Variants in ATP13A5 observed in about 807,000 individuals in gnomAD.
ATP13A5 encodes the protein ATPase 13A5.
A neutral mutation model predicts 150.2 loss-of-function variants in ATP13A5; 149 were observed. That is an observed-to-expected ratio of 0.99 (90% CI 0.87 to 1.14). ATP13A5 has a LOEUF of 1.14. ATP13A5 is among the 50% of genes most tolerant of loss of function. The pLI is 0.00. For synonymous variants in ATP13A5, 497 were observed against 522.2 expected, an observed-to-expected ratio of 0.95 and a Z score of 0.66; for missense variants, 1,383 against 1,449.3, an observed-to-expected ratio of 0.95 and a Z score of 0.74.
chr3:193,303,893 A>G (rs1718508406), intron 23 of ATP13A5, among the ~76,000 whole-genome samples: 1 of 150,696 alleles, frequency 6.6e-6, no homozygotes, highest in Non-Finnish European at 1.5e-5. Context: ...ACACATATAC[A>G]TACACATACA....
intron 25 of ATP13A5, among the ~76,000 whole-genome samples, chr3:193,294,367 T>A (rs1311680099): frequency 1.3e-5 from 2 of 152,124 alleles, no homozygotes; most frequent in Non-Finnish European, 2.9e-5. Context: ...TGAGGAGTTC[T>A]TGTTGAAGAG....
intron 6 of ATP13A5, among the ~76,000 whole-genome samples, chr3:193,352,274 C>G (rs1402398984): frequency 4.6e-5 from 7 of 152,062 alleles, no homozygotes; most frequent in Admixed American, 3.9e-4. Flanking sequence ...TATTTCAATC[C>G]CAACTGCTTT....
intron 24 of ATP13A5, among the ~76,000 whole-genome samples, chr3:193,300,205 G>A (rs181952471): frequency 6.6e-6 from 1 of 152,056 alleles, no homozygotes; most frequent in South Asian, 2.1e-4. Flanking sequence ...TTTCACCTGA[G>A]AGTGGTAAAA....
intron 20 of ATP13A5, among the ~76,000 whole-genome samples, chr3:193,311,246 G>A (rs1437228749): frequency 2.0e-5 from 3 of 152,156 alleles, no homozygotes; most frequent in East Asian, 3.9e-4. Flanking sequence ...GACTGCTAGG[G>A]TGACAGAATT....
At chr3:193,367,597 T>A (rs1411980148) in intron 1 of ATP13A5, among the ~76,000 whole-genome samples, 2 of 152,140 alleles carry the variant, frequency 1.3e-5, no homozygotes, top group South Asian at 2.1e-4. Flanking sequence ...ATTATCTAAC[T>A]AAATCAATGA....
At chr3:193,332,495 A>G (rs932757609) in intron 11 of ATP13A5, among the ~76,000 whole-genome samples, 1 of 152,180 alleles carries the variant, frequency 6.6e-6, no homozygotes, top group African/African-American at 2.4e-5. Flanking sequence ...GATATTAATG[A>G]TTCTACCCTC....
chr3:193,377,946 T>C (rs949422812), intron 1 of ATP13A5, among the ~76,000 whole-genome samples: 4 of 152,226 alleles, frequency 2.6e-5, no homozygotes, highest in African/African-American at 7.2e-5. Context: ...TGGTCTCAGA[T>C]TTCTTTTCAA....
In ATP13A5 at chr3:193,363,122, C is replaced by T; in HGVS notation, c.384+114G>A. 1.6e-6 allele frequency: 2 copies of T among 1,279,466 alleles called. 1 individual carries two copies. Among genetic ancestry groups the T allele is most frequent in the South Asian group, 3.0e-5 (2 of 66,664 alleles). The allele number at this position is 1,279,466 out of a possible 1,614,324, so 79.3% of individuals were successfully genotyped here. On this transcript the variant is annotated intron_variant, in intron 3 of 29. Coordinates refer to ENST00000342358, the MANE Select transcript of ATP13A5 (RefSeq NM_198505.4). ...CCAGCCAGTCTCACTTTCTTTGATA[C>T]ATAGCTGTCATTCCCATTCCAAAAG...
chr3:193,378,627 C>T (rs762062685), intron 1 of ATP13A5, 36 bp downstream of exon 1: 2 of 1,591,330 alleles, frequency 1.3e-6, no homozygotes, highest in Admixed American at 3.3e-5. Context: ...GCCTTGGGCT[C>T]TTTGAGAAGA....
Position 193,293,179 on chromosome 3 carries a change from AG to A in ATP13A5, c.2849-3121del, listed in dbSNP as rs1718035641. Among the ~76,000 whole-genome samples the A allele has an allele frequency of 5.3e-5, 8 of 152,242 alleles. No homozygotes were observed. The South Asian group carries it at 1.7e-3, about 32-fold the overall frequency. ...TGTTCTCCACTCTACAGCATATTGC[AG>A]TATGATGCATCTCAAAAATTAAAAG... On this transcript the variant is annotated intron_variant, in intron 25 of 29. Coordinates refer to ENST00000342358, the MANE Select transcript of ATP13A5 (RefSeq NM_198505.4).
chr3:193,335,692 C>A (rs1001124909), intron 9 of ATP13A5, among the ~76,000 whole-genome samples: 4 of 152,138 alleles, frequency 2.6e-5, no homozygotes, highest in African/African-American at 7.2e-5. Context: ...TCATCTCATT[C>A]TTTTGCTCAA....
rs763476221 is a variant in ATP13A5 at position 193,314,111 on chromosome 3, G to A, written c.2241C>T (p.Ala747=). 6.8e-6 allele frequency: 11 copies of A among 1,613,726 alleles called. No individual in the cohort carries two copies. Among genetic ancestry groups the A allele is most frequent in the Middle Eastern group, 1.6e-4 (1 of 6,066 alleles). ...CAGGAACAAATTCTTCTGGTTCATC[G>A]GCCTCAACAATGATCACTTGGCTGC... ...PPGSQVIIVE[A]DEPEEFVPAS... The change falls in exon 19 of 30, where the codon GCC becomes GCT. Residue 747 remains alanine (A), a synonymous_variant. Coordinates refer to ENST00000342358, the MANE Select transcript of ATP13A5 (RefSeq NM_198505.4).
At chr3:193,341,267 G>T (rs1193344314) in intron 9 of ATP13A5, among the ~76,000 whole-genome samples, 1 of 151,932 alleles carries the variant, frequency 6.6e-6, no homozygotes, top group Non-Finnish European at 1.5e-5. Context: ...GACAGCAGAA[G>T]AGAAGGACGG....
At chr3:193,334,800 C>T in intron 10 of ATP13A5, 129 bp downstream of exon 10, 1 of 777,914 alleles carries the variant, frequency 1.3e-6, no homozygotes, top group Non-Finnish European at 2.0e-6. Flanking sequence ...TAATAAGTGT[C>T]TGTTTGGAAA....
Position 193,363,384 on chromosome 3 carries a change from T to G in ATP13A5, c.238-2A>C. 1 of 1,610,070 alleles carries G rather than the reference T, an allele frequency of 6.2e-7. No homozygotes were observed. Among genetic ancestry groups the G allele is most frequent in the Non-Finnish European group, 8.5e-7 (1 of 1,177,910 alleles). ...CCTCATATATCTTTGAAATTCGTCC[T>G]GGAAAAGACAATCCAGTTCATGAAA... On this transcript the variant is annotated splice_acceptor_variant, in intron 2 of 29. Transcript: ENST00000342358. LOFTEE classifies it high-confidence loss of function.
At chr3:193,319,178 A>C in intron 16 of ATP13A5, 70 bp from the exon 17 acceptor site, 1 of 1,112,568 alleles carries the variant, frequency 9.0e-7, no homozygotes, top group South Asian at 1.4e-5. Context: ...ACTCCAGGAC[A>C]CAGCCATTGT....
intron 9 of ATP13A5, among the ~76,000 whole-genome samples, chr3:193,341,632 C>T (rs1414806031): frequency 6.6e-6 from 1 of 152,138 alleles, no homozygotes; most frequent in Non-Finnish European, 1.5e-5. Flanking sequence ...CTCCATCAGA[C>T]CCCTCTCCCT....
chr3:193,359,618 CG>C (rs1460264542), intron 5 of ATP13A5, among the ~76,000 whole-genome samples: 1 of 152,184 alleles, frequency 6.6e-6, no homozygotes, highest in Non-Finnish European at 1.5e-5. Context: ...ACTAAATCAA[CG>C]GGGAGCCTCT....
At chr3:193,312,135 A>G (rs1349492590) in intron 19 of ATP13A5, among the ~76,000 whole-genome samples, 194 bp from the exon 20 acceptor site, 1 of 152,220 alleles carries the variant, frequency 6.6e-6, no homozygotes, top group Non-Finnish European at 1.5e-5. Flanking sequence ...TTATGTAAAC[A>G]TATGATACTT....
Sources: allele counts gnomAD v4.1 joint callset (sites outside exome capture counted in the v4.1 genomes callset), GRCh38; gene constraint gnomAD v4.1.1; transcripts MANE v1.5; gene names NCBI Gene and HGNC (gene_info 2026-07-23, HGNC 2026-07-21).